The following SNX8 variants were observed in gnomAD, a reference collection of about 807,000 sequenced individuals.
The protein encoded by SNX8 is sorting nexin-8.
SNX8 carries 25 observed loss-of-function variants against 51.6 expected under a neutral mutation model. The observed-to-expected ratio is 0.48, with a 90% CI of 0.35 to 0.68. The LOEUF is 0.68. Among genes scored for constraint, SNX8 ranks in the 30% least tolerant of loss-of-function variants. The pLI, the probability that SNX8 is intolerant of heterozygous loss-of-function variation, is 0.00. For missense variants in SNX8, 695 were observed against 624.0 expected (o/e 1.11, Z -1.21); for synonymous variants, 324 against 277.0 (o/e 1.17, Z -1.68).
upstream of SNX8, among the ~76,000 whole-genome samples, chr7:2,317,572 C>T (rs1051988524): frequency 6.6e-6 from 1 of 151,768 alleles, no homozygotes; most frequent in Non-Finnish European, 1.5e-5. Context: ...CCACCGTGCC[C>T]GGCCATCCTG....
At chr7:2,323,192 T>C (rs1225788139) in intron 1 of SNX8, among the ~76,000 whole-genome samples, 1 of 151,840 alleles carries the variant, frequency 6.6e-6, no homozygotes, top group Non-Finnish European at 1.5e-5. Flanking sequence ...TAGCTGGACA[T>C]GATGGCAGGT....
rs1795049510 is a variant in SNX8 at position 2,252,161 on chromosome 7, C to T, written c.*2895G>A. On this transcript the variant is annotated 3_prime_UTR_variant, in exon 11 of 11. Transcript: ENST00000222990. Reference sequence around the variant, plus strand: ...GCCCACAACCCCCCTCCCACGGCCCCGCCAGCCGTCCTCACAGGGCAGGCG... The same window carrying T: ...GCCCACAACCCCCCTCCCACGGCCCTGCCAGCCGTCCTCACAGGGCAGGCG... 6.6e-6 allele frequency: 1 copy of T among 150,842 alleles called. No homozygotes were observed. The highest frequency in any genetic ancestry group is 6.6e-5 in the Admixed American group (1 of 15,168). 9.3% of individuals were successfully genotyped at this position (150,842 alleles called of 1,614,324 possible). A position where few individuals can be genotyped will look rare whatever the true frequency, so the allele number is the denominator to read the frequency against.
In SNX8 at chr7:2,257,374, G is replaced by T; in HGVS notation, c.1125C>A (p.Arg375=). ...EPESVEQLES[R]IVEQENAIQT... ...CCGCCCCGCCACCCACCTCCACAATGCGGGACTCCAGCTGCTCCACGGACT... is the reference window on the plus strand; with the variant it reads ...CCGCCCCGCCACCCACCTCCACAATTCGGGACTCCAGCTGCTCCACGGACT... Residue 375 remains arginine, a synonymous_variant, in exon 9 of 11, where the codon CGC becomes CGA. Transcript: ENST00000222990. The T allele has an allele frequency of 1.2e-6, 2 of 1,607,564 alleles. No homozygotes were observed. The highest frequency in any genetic ancestry group is 1.7e-6 in the Non-Finnish European group (2 of 1,179,444).
At chr7:2,285,902 C>T (rs183489167) in intron 1 of SNX8, among the ~76,000 whole-genome samples, 192 of 151,380 alleles carry the variant, frequency 1.3e-3, no homozygotes, top group Middle Eastern at 6.9e-3. Flanking sequence ...AGGCTGGTCT[C>T]GAACTCCTGG....
In SNX8 at chr7:2,264,365, C is replaced by T; in HGVS notation, c.715G>A (p.Ala239Thr). 1.2e-6 allele frequency: 2 copies of T among 1,612,948 alleles called. No homozygotes were observed. The highest frequency in any genetic ancestry group is 1.7e-6 in the Non-Finnish European group (2 of 1,180,008). ...ATGGCCCGCGATGCGATCCGCTCGG[C>T]CCTGTCGCGAAGCTTGTGAAAGCTA... The part of the protein sequence containing the change: ...YNSFHKLRDR[A>T]ERIASRAIDN... Residue 239 changes from alanine to threonine, a missense_variant, in exon 6 of 11, where the codon GCC becomes ACC. Coordinates refer to ENST00000222990, the MANE Select transcript of SNX8 (RefSeq NM_013321.4).
At chr7:2,312,392 A>G (rs933861000) in intron 1 of SNX8, among the ~76,000 whole-genome samples, 2 of 152,070 alleles carry the variant, frequency 1.3e-5, no homozygotes, top group Admixed American at 6.6e-5. Context: ...TTCCGATCCA[A>G]TCACAGCCTA....
chr7:2,282,073 G>A (rs980322777), intron 1 of SNX8, among the ~76,000 whole-genome samples: 1 of 152,308 alleles, frequency 6.6e-6, no homozygotes, highest in South Asian at 2.1e-4. Flanking sequence ...TCAGATCCCA[G>A]GCCAAGGGCC....
intron 1 of SNX8, among the ~76,000 whole-genome samples, chr7:2,328,238 G>C (rs115749841): frequency 6.6e-6 from 1 of 151,986 alleles, no homozygotes; most frequent in South Asian, 2.1e-4. Context: ...TTTTAGTAGA[G>C]ACAGGGGTTT....
rs549190995 is a variant in SNX8 at position 2,347,286 on chromosome 7, A to G, written c.-66+6936T>C. Among the ~76,000 whole-genome samples, 14 of 152,180 alleles carry G rather than the reference A, an allele frequency of 9.2e-5. No homozygotes were observed. The East Asian group carries it at 2.5e-3, about 27-fold the overall frequency. Reference sequence around the variant, plus strand: ...CACCTGAGGTCAGGAGTTTGAGACCAGCCTGGCTAACACGGCGAAACCTGT... The same window carrying G: ...CACCTGAGGTCAGGAGTTTGAGACCGGCCTGGCTAACACGGCGAAACCTGT... On this transcript the variant is annotated intron_variant, in intron 1 of 5. Coordinates refer to the SNX8 transcript ENST00000435336.
intron 3 of SNX8, among the ~76,000 whole-genome samples, chr7:2,272,207 A>G (rs112895870): frequency 0.02 from 3,106 of 152,302 alleles, 40 homozygotes; most frequent in South Asian, 0.043. Context: ...GGAGCTGCCA[A>G]GGAAAACCAC....
At chr7:2,256,802 G>A in intron 10 of SNX8, 72 bp downstream of exon 10, 1 of 1,511,792 alleles carries the variant, frequency 6.6e-7, no homozygotes, top group African/African-American at 1.4e-5. Context: ...CCGCGCTGCC[G>A]GGCTTGAAGG....
At chr7:2,327,503 G>C (rs190815257) in intron 1 of SNX8, among the ~76,000 whole-genome samples, 2 of 151,834 alleles carry the variant, frequency 1.3e-5, no homozygotes, top group African/African-American at 4.8e-5. Context: ...CGCATCTCTG[G>C]TTCATGCCAT....
chr7:2,258,598 A>G (rs1279470919), intron 7 of SNX8, among the ~76,000 whole-genome samples: 2 of 152,210 alleles, frequency 1.3e-5, no homozygotes, highest in Admixed American at 1.3e-4. Context: ...TCTCCGCATC[A>G]GTAACAGGAG....
intron 1 of SNX8, among the ~76,000 whole-genome samples, chr7:2,306,466 T>C (rs181139058): frequency 1.3e-5 from 2 of 152,304 alleles, no homozygotes; most frequent in African/African-American, 2.4e-5. Flanking sequence ...GGAAAACATG[T>C]GGCAAGAATA....
chr7:2,271,381 A>AGCT (rs1450957434), intron 4 of SNX8, among the ~76,000 whole-genome samples: 3 of 152,238 alleles, frequency 2.0e-5, no homozygotes, highest in Non-Finnish European at 1.5e-5. Context: ...GTGCCGCAGC[A>AGCT]GCTGGGAGGA....
At chr7:2,317,670 C>A (rs1379287932), upstream of SNX8, among the ~76,000 whole-genome samples, 1 of 152,084 alleles carries the variant, frequency 6.6e-6, no homozygotes, top group Admixed American at 6.6e-5. Context: ...AGGAAGCGTC[C>A]CCTTCTCACA....
At chr7:2,328,405 TG>T (rs1168594801) in intron 1 of SNX8, among the ~76,000 whole-genome samples, 1 of 152,100 alleles carries the variant, frequency 6.6e-6, no homozygotes, top group Non-Finnish European at 1.5e-5. Context: ...TTGCCCAGGC[TG>T]GTCTTCAACT....
In SNX8 at chr7:2,254,717, G is replaced by T; in HGVS notation, c.*339C>A. 1 of 348,478 alleles carries T rather than the reference G, an allele frequency of 2.9e-6. No homozygotes were observed. Among genetic ancestry groups the T allele is most frequent in the Middle Eastern group, 8.9e-4 (1 of 1,128 alleles). The allele number at this position is 348,478 out of a possible 1,614,324, so 21.6% of individuals were successfully genotyped here. A position where few individuals can be genotyped will look rare whatever the true frequency, so the allele number is the denominator to read the frequency against. ...CCCCTCCCGACTGTTCCAGCACCTG[G>T]AGGCCCTGCCTCCACGCTCCCCCAG... On this transcript the variant is annotated 3_prime_UTR_variant, in exon 11 of 11. Transcript: ENST00000222990.
intron 1 of SNX8, among the ~76,000 whole-genome samples, chr7:2,341,909 GT>G (rs1214382423): frequency 1.3e-5 from 2 of 152,034 alleles, no homozygotes; most frequent in African/African-American, 4.8e-5. Flanking sequence ...GGAGTTGGAG[GT>G]TGCAGTGAGC....
Sources: gnomAD v4.1 joint callset for allele counts (sites outside exome capture counted in the v4.1 genomes callset) on GRCh38, gnomAD v4.1.1 for gene constraint, MANE v1.5 for transcripts, NCBI Gene and HGNC (gene_info 2026-07-23, HGNC 2026-07-21) for gene names.